The following GALNT9 variants were observed in gnomAD, a reference collection of about 807,000 sequenced individuals.
The protein encoded by GALNT9 is polypeptide N-acetylgalactosaminyltransferase 9.
Under a neutral mutation model 63.1 loss-of-function variants are expected in GALNT9, and 47 were observed. The observed-to-expected ratio is 0.75, with a 90% CI of 0.59 to 0.95. The LOEUF (loss-of-function observed/expected upper bound fraction) is 0.95, where lower values mean the gene tolerates loss of function less well. Among genes scored for constraint, GALNT9 ranks in the 40% least tolerant of loss-of-function variants. The probability of loss-of-function intolerance (pLI) is 0.00; values close to 1 mark genes in which losing one functional copy is unlikely to be tolerated. For synonymous variants in GALNT9, 396 were observed against 365.7 expected, an observed-to-expected ratio of 1.08 and a Z score of -0.94; for missense variants, 829 against 874.8, an observed-to-expected ratio of 0.95 and a Z score of 0.66.
chr12:132,196,576 A>G lies in GALNT9; in HGVS notation c.*531T>C, dbSNP rs1027267816. 3.0e-6 allele frequency: 3 copies of G among 986,544 alleles called. No homozygotes were observed. The highest frequency in any genetic ancestry group is 1.1e-4 in the East Asian group (1 of 8,836). The allele number at this position is 986,544 out of a possible 1,614,324, so 61.1% of individuals were successfully genotyped here. A position where few individuals can be genotyped will look rare whatever the true frequency, so the allele number is the denominator to read the frequency against. ...GTGCCAGCCTCCTAGACACGGCCTCAGGTTTGTCGCTGTCCATGTCCTCCA... is the reference window on the plus strand; with the variant it reads ...GTGCCAGCCTCCTAGACACGGCCTCGGGTTTGTCGCTGTCCATGTCCTCCA... On this transcript the variant is annotated 3_prime_UTR_variant, in exon 11 of 11. Coordinates refer to ENST00000328957, the MANE Select transcript of GALNT9 (RefSeq NM_001122636.2).
intron 5 of GALNT9, among the ~76,000 whole-genome samples, chr12:132,249,535 A>G (rs1185773929): frequency 6.6e-6 from 1 of 152,220 alleles, no homozygotes; most frequent in Non-Finnish European, 1.5e-5. Context: ...TGAAATTTTA[A>G]TACCCCCCCT....
rs564729849 is a variant in GALNT9 at position 132,209,066 on chromosome 12, G to A, written c.1078-5376C>T. On this transcript the variant is annotated intron_variant, in intron 6 of 10. Coordinates refer to ENST00000328957, the MANE Select transcript of GALNT9 (RefSeq NM_001122636.2). ...GACCATCTGGCCCCACAGCCAGGGC[G>A]GAAGTCCAAGCATTAGAGCCATTCA... Among the ~76,000 whole-genome samples the A allele has an allele frequency of 3.1e-3, 473 of 152,266 alleles. 1 individual carries two copies. Among genetic ancestry groups the A allele is most frequent in the Non-Finnish European group, 4.9e-3 (335 of 68,032 alleles).
intron 5 of GALNT9, among the ~76,000 whole-genome samples, chr12:132,255,859 C>CG: frequency 6.6e-6 from 1 of 152,132 alleles, no homozygotes; most frequent in East Asian, 1.9e-4. Flanking sequence ...CCTTTGCGAT[C>CG]TTCACGCTGG....
At chr12:132,214,120 A>T (rs1170733119) in intron 6 of GALNT9, among the ~76,000 whole-genome samples, 2 of 152,188 alleles carry the variant, frequency 1.3e-5, no homozygotes, top group African/African-American at 4.8e-5. Flanking sequence ...CACTGACCCC[A>T]AGGGCACCTG....
intron 8 of GALNT9, among the ~76,000 whole-genome samples, 170 bp from the exon 9 acceptor site, chr12:132,199,439 G>A (rs769565492): frequency 6.6e-6 from 1 of 152,114 alleles, no homozygotes; most frequent in Non-Finnish European, 1.5e-5. Flanking sequence ...GTGGCTGACC[G>A]AGTTTGTCAC....
intron 6 of GALNT9, 130 bp downstream of exon 6, chr12:132,247,780 C>CGGACG (rs782422699): frequency 5.6e-6 from 7 of 1,256,862 alleles, no homozygotes; most frequent in East Asian, 5.0e-5. Flanking sequence ...ACCCCATCCC[C>CGGACG]GGACGCTGCA....
chr12:132,316,989 C>T lies in GALNT9; in HGVS notation c.238+11977G>A, dbSNP rs937082362. Among the ~76,000 whole-genome samples the T allele has an allele frequency of 5.5e-5, 6 of 109,324 alleles. No individual in the cohort carries two copies. Among genetic ancestry groups the T allele is most frequent in the African/African-American group, 1.4e-4 (4 of 28,636 alleles). The allele number at this position is 109,324 out of a possible 152,430, so 71.7% of individuals were successfully genotyped here. A position where few individuals can be genotyped will look rare whatever the true frequency, so the allele number is the denominator to read the frequency against. On this transcript the variant is annotated intron_variant, in intron 1 of 10. Transcript: ENST00000328957. This position sits in a 1 kb window ranked among gnomAD's most constrained non-coding sequence, Gnocchi z 4.3. The stretch of plus-strand genomic sequence containing the variant: ...CCCCACGGAGCATGGTCCTATTCTA[C>T]ACCCACAGAGCACAGCCTGCACCCT...
chr12:132,265,121 C>G lies in GALNT9; in HGVS notation c.420-2496G>C, dbSNP rs1298094508. Reference sequence around the variant, plus strand: ...CCAAATCTCGCTTTTCTGCAAGGCTCAACCCAGCCCCAAGAAAAAGATAAA... The same window carrying G: ...CCAAATCTCGCTTTTCTGCAAGGCTGAACCCAGCCCCAAGAAAAAGATAAA... On this transcript the variant is annotated intron_variant, in intron 2 of 10. Transcript: ENST00000328957. The surrounding 1 kb of genome is among the most constrained non-coding windows in gnomAD (Gnocchi z 5.3). Among the ~76,000 whole-genome samples, 3 of 152,236 alleles carry G rather than the reference C, an allele frequency of 2.0e-5. No individual in the cohort carries two copies. The highest frequency in any genetic ancestry group is 4.4e-5 in the Non-Finnish European group (3 of 68,034).
rs995798621 is a variant in GALNT9, at chr12:132,252,350, G to A, written c.960-4323C>T. 3.3e-5 allele frequency among the ~76,000 whole-genome samples: 5 copies of A among 152,192 alleles called. No individual in the cohort carries two copies. The highest frequency in any genetic ancestry group is 1.9e-4 in the East Asian group (1 of 5,194). ...GAAGCCTTCGTGTCTTGCGGACGCC[G>A]ACACTGACATTTAATGTTATTTAAA... On this transcript the variant is annotated intron_variant, in intron 5 of 10. Coordinates refer to ENST00000328957, the MANE Select transcript of GALNT9 (RefSeq NM_001122636.2). This position sits in a 1 kb window ranked among gnomAD's most constrained non-coding sequence, Gnocchi z 5.2.
intron 1 of GALNT9, among the ~76,000 whole-genome samples, chr12:132,306,348 G>T (rs563808380): frequency 2.9e-4 from 44 of 152,362 alleles, no homozygotes; most frequent in African/African-American, 1.0e-3. Flanking sequence ...TGCTGTCCGG[G>T]ATGGCGAGGA....
Position 132,315,733 on chromosome 12 carries a change from C to T in GALNT9, c.238+13233G>A, listed in dbSNP as rs578229539. On this transcript the variant is annotated intron_variant, in intron 1 of 10. Transcript: ENST00000328957. This position sits in a 1 kb window ranked among gnomAD's most constrained non-coding sequence, Gnocchi z 6.1. The stretch of plus-strand genomic sequence containing the variant: ...TCCACACTCAGCCCTGGTGTCCTTG[C>T]GGGAACACAGGGTCCAGAGACGGCC... 6.6e-5 allele frequency among the ~76,000 whole-genome samples: 10 copies of T among 152,258 alleles called. No individual in the cohort carries two copies. The highest frequency in any genetic ancestry group is 2.2e-4 in the African/African-American group (9 of 41,534).
Position 132,257,877 on chromosome 12 carries a change from G to A in GALNT9, c.771C>T (p.Pro257=), listed in dbSNP as rs782387305. The change falls in exon 5 of 11, where the codon CCC becomes CCT. Residue 257 remains proline, a synonymous_variant. Coordinates refer to ENST00000328957, the MANE Select transcript of GALNT9 (RefSeq NM_001122636.2). Reference sequence around the variant, plus strand: ...GGTCCTCTCGGATCCGCGACAGTGCGGGCTCGGCCCTGCGGAGGCACAGCT... The same window carrying A: ...GGTCCTCTCGGATCCGCGACAGTGCAGGCTCGGCCCTGCGGAGGCACAGCT... ...HVEFNTGWAE[P]ALSRIREDRR... The A allele has an allele frequency of 9.7e-6, 15 of 1,541,022 alleles. No homozygotes were observed. Among genetic ancestry groups the A allele is most frequent in the Admixed American group, 2.0e-5 (1 of 50,894 alleles).
chr12:132,243,767 T>C (rs1183186512), intron 6 of GALNT9, among the ~76,000 whole-genome samples: 3 of 152,192 alleles, frequency 2.0e-5, no homozygotes, highest in Non-Finnish European at 4.4e-5. Flanking sequence ...GCTGGCATTC[T>C]GTCCCTATGA....
chr12:132,267,493 T>C (rs1879646649), intron 2 of GALNT9, among the ~76,000 whole-genome samples: 1 of 152,216 alleles, frequency 6.6e-6, no homozygotes, highest in Non-Finnish European at 1.5e-5. Flanking sequence ...CCCAGAGGGC[T>C]TCACGGTAGA....
intron 6 of GALNT9, among the ~76,000 whole-genome samples, chr12:132,224,743 ACACCCCT>A (rs1877580800): frequency 9.1e-6 from 1 of 109,950 alleles, no homozygotes; most frequent in African/African-American, 3.7e-5. Flanking sequence ...TACACACCCC[ACACCCCT>A]CCCACACCCC....
intron 6 of GALNT9, among the ~76,000 whole-genome samples, chr12:132,224,595 C>T: frequency 6.8e-6 from 1 of 146,116 alleles, no homozygotes; most frequent in Non-Finnish European, 1.5e-5. Flanking sequence ...CCACACAACC[C>T]ACACCCCACA....
intron 1 of GALNT9, among the ~76,000 whole-genome samples, chr12:132,313,517 TCCACTTAC>T (rs1881894624): frequency 2.2e-5 from 1 of 45,262 alleles, no homozygotes; most frequent in African/African-American, 9.3e-5. Flanking sequence ...CACCCACCCA[TCCACTTAC>T]CCACCCACCC....
intron 2 of GALNT9, chr12:132,284,363 CG>C (rs1163148686): frequency 6.6e-6 from 1 of 152,282 alleles, no homozygotes; most frequent in African/African-American, 2.4e-5. Context: ...CTAACACACA[CG>C]AGCCGCTTTC....
At chr12:132,210,372 A>C (rs527316591) in intron 6 of GALNT9, among the ~76,000 whole-genome samples, 1 of 152,336 alleles carries the variant, frequency 6.6e-6, no homozygotes, top group East Asian at 1.9e-4. Flanking sequence ...AAGCAAAGCA[A>C]CAGGGCTCGT....
Sources: gnomAD v4.1 joint callset for allele counts (sites outside exome capture counted in the v4.1 genomes callset) on GRCh38, gnomAD v4.1.1 for gene constraint, Gnocchi (gnomAD v3.1) non-coding constraint, MANE v1.5 for transcripts, NCBI Gene and HGNC (gene_info 2026-07-23, HGNC 2026-07-21) for gene names.